Variants in FYN observed in about 807,000 individuals in gnomAD.
The protein encoded by FYN is tyrosine-protein kinase Fyn.
FYN carries 10 observed loss-of-function variants against 70.2 expected under a neutral mutation model. The ratio of observed to expected loss-of-function variants is 0.14; its 90% CI spans 0.09 to 0.24. FYN has a LOEUF of 0.24. FYN is among the 10% of genes least tolerant of loss of function. The pLI is 1.00. For missense variants in FYN, 319 were observed against 673.1 expected (o/e 0.47, Z 5.82); for synonymous variants, 236 against 248.6 (o/e 0.95, Z 0.48).
At chr6:111,730,227 T>TA (rs1383677613) in intron 3 of FYN, among the ~76,000 whole-genome samples, 3 of 152,096 alleles carry the variant, frequency 2.0e-5, no homozygotes, top group Non-Finnish European at 4.4e-5. Context: ...TGAACAGCCA[T>TA]AGATATCTAA....
intron 6 of FYN, among the ~76,000 whole-genome samples, chr6:111,707,233 C>T (rs887885382): frequency 3.9e-5 from 6 of 152,236 alleles, no homozygotes; most frequent in Non-Finnish European, 7.3e-5. Context: ...GGCAGTTCTT[C>T]CCCTTGGGAG....
At chr6:111,797,574 A>C (rs1396786052) in intron 2 of FYN, among the ~76,000 whole-genome samples, 2 of 148,350 alleles carry the variant, frequency 1.3e-5, no homozygotes, top group Non-Finnish European at 3.0e-5. Context: ...TGCTCACACA[A>C]TGGAAAACTT....
intron 2 of FYN, among the ~76,000 whole-genome samples, chr6:111,799,666 C>A (rs1438131098): frequency 6.6e-6 from 1 of 152,204 alleles, no homozygotes; most frequent in Non-Finnish European, 1.5e-5. Flanking sequence ...GGACTAAAAT[C>A]CCCCTACCCC....
chr6:111,770,527 CTT>C (rs1291153992), intron 3 of FYN, among the ~76,000 whole-genome samples: 1 of 152,148 alleles, frequency 6.6e-6, no homozygotes, highest in Non-Finnish European at 1.5e-5. Flanking sequence ...AGACTGAAAA[CTT>C]TAGCTTAGGG....
Position 111,719,835 on chromosome 6 carries a change from T to A in FYN, c.217A>T (p.Thr73Ser). 6.2e-7 allele frequency: 1 copy of A among 1,614,130 alleles called. No homozygotes were observed. The highest frequency in any genetic ancestry group is 8.5e-7 in the Non-Finnish European group (1 of 1,180,024). Reference protein sequence around the residue: ...VFGGVNSSSHTGTLRTRGGTG... With the variant: ...VFGGVNSSSHSGTLRTRGGTG... ...CCTCCTCTCGTACGCAAGGTCCCCG[T>A]ATGAGACGAAGAGTTCACACCTCCA... Residue 73 changes from threonine (T) to serine (S), a missense_variant, in exon 4 of 14, where the codon ACG becomes TCG. By Grantham distance (58) the Thr-to-Ser change is moderately conservative (BLOSUM62 1). Around this residue, in one of 4 missense-constraint regions of FYN, gnomAD observed 128 missense variants for 183.9 expected, o/e 0.70. Transcript: ENST00000354650.
At chr6:111,848,511 C>A (rs977368629) in intron 1 of FYN, among the ~76,000 whole-genome samples, 1 of 152,202 alleles carries the variant, frequency 6.6e-6, no homozygotes, top group African/African-American at 2.4e-5. Flanking sequence ...TACATATATA[C>A]GGCATCATCC....
chr6:111,696,969 G>C (rs1026224063), intron 9 of FYN, among the ~76,000 whole-genome samples: 1 of 152,234 alleles, frequency 6.6e-6, no homozygotes, highest in Admixed American at 6.5e-5. Context: ...TTACTTGACT[G>C]AGTCCTTGCA....
At chr6:111,850,122 A>G (rs929716786) in intron 1 of FYN, among the ~76,000 whole-genome samples, 2 of 152,232 alleles carry the variant, frequency 1.3e-5, no homozygotes, top group Admixed American at 6.5e-5. Context: ...CTTGCTATTG[A>G]AAGAGATTCA....
chr6:111,683,160 C>T (rs919031789), intron 12 of FYN, among the ~76,000 whole-genome samples: 5 of 152,224 alleles, frequency 3.3e-5, no homozygotes, highest in Middle Eastern at 3.2e-3. Context: ...GGGAGACAGA[C>T]TTCACGGGCA....
chr6:111,809,223 T>C (rs1170037312), intron 2 of FYN, among the ~76,000 whole-genome samples: 2 of 152,178 alleles, frequency 1.3e-5, no homozygotes, highest in African/African-American at 4.8e-5. Context: ...TAGTCTAAAA[T>C]AAATGGGTTG....
At chr6:111,708,168 G>C (rs937197524) in intron 5 of FYN, 148 bp from the exon 6 acceptor site, 1 of 624,666 alleles carries the variant, frequency 1.6e-6, no homozygotes, top group Admixed American at 2.4e-5. Flanking sequence ...CTCCAACATA[G>C]TCCCCCTGTG....
intron 12 of FYN, among the ~76,000 whole-genome samples, chr6:111,691,939 C>A (rs1583314109): frequency 6.6e-6 from 1 of 152,304 alleles, no homozygotes; most frequent in South Asian, 2.1e-4. Context: ...CCCTCTGAGT[C>A]TATTCCTATT....
At chr6:111,773,575 GGGGAGGGGGAGGGAAAGGGAAAGGGA>G (rs1803569505) in intron 3 of FYN, among the ~76,000 whole-genome samples, 1 of 27,668 alleles carries the variant, frequency 3.6e-5, no homozygotes, top group African/African-American at 2.0e-4. Flanking sequence ...AGAGGGAGAG[GGGGAGGGGGAGGGAAAGGGAAAGGGA>G]GAGAGGGGGA....
chr6:111,846,873 A>T (rs1773544363), intron 1 of FYN, among the ~76,000 whole-genome samples: 2 of 152,196 alleles, frequency 1.3e-5, no homozygotes, highest in African/African-American at 4.8e-5. Flanking sequence ...ACTTTCTGGA[A>T]TCAGGAAAGA....
chr6:111,846,206 C>T (rs1424654774), intron 2 of FYN, among the ~76,000 whole-genome samples: 1 of 152,162 alleles, frequency 6.6e-6, no homozygotes, highest in African/African-American at 2.4e-5. Flanking sequence ...AATGAATGGA[C>T]TGAAAACGAC....
intron 3 of FYN, among the ~76,000 whole-genome samples, chr6:111,768,622 C>G (rs1041882163): frequency 3.3e-5 from 5 of 152,240 alleles, no homozygotes; most frequent in African/African-American, 1.2e-4. Context: ...TTAATATCAT[C>G]TCAGGTAATT....
chr6:111,771,025 T>C (rs930241037), intron 3 of FYN, among the ~76,000 whole-genome samples: 2 of 152,154 alleles, frequency 1.3e-5, no homozygotes, highest in African/African-American at 4.8e-5. Flanking sequence ...CAGGACCAAA[T>C]TCTTGCATGA....
At chr6:111,832,960 T>A (rs1583479616) in intron 2 of FYN, among the ~76,000 whole-genome samples, 5 of 152,310 alleles carry the variant, frequency 3.3e-5, no homozygotes, top group Admixed American at 3.3e-4. Flanking sequence ...CCAGAGAACA[T>A]GTGCTTTTAA....
intron 2 of FYN, among the ~76,000 whole-genome samples, chr6:111,801,906 T>C (rs1331183640): frequency 6.6e-6 from 1 of 152,192 alleles, no homozygotes; most frequent in Non-Finnish European, 1.5e-5. Context: ...GTGTAATGAA[T>C]GACTAAACAA....
Sources: gnomAD v4.1 joint callset for allele counts (sites outside exome capture counted in the v4.1 genomes callset) on GRCh38, gnomAD v4.1.1 for gene constraint, gnomAD v4.1.1 regional missense constraint, MANE v1.5 for transcripts, NCBI Gene and HGNC (gene_info 2026-07-23, HGNC 2026-07-21) for gene names.